The following USP43 variants were observed in gnomAD, a reference collection of about 807,000 sequenced individuals.
USP43 encodes ubiquitin specific peptidase 43, also known as ubiquitin carboxyl-terminal hydrolase 43.
A neutral mutation model predicts 90.7 loss-of-function variants in USP43; 33 were observed. The observed-to-expected ratio is 0.36, with a 90% CI of 0.28 to 0.49. The LOEUF (loss-of-function observed/expected upper bound fraction) is 0.49. USP43 is among the 20% of genes least tolerant of loss of function. The probability of loss-of-function intolerance (pLI) is 0.98; values close to 1 mark genes in which losing one functional copy is unlikely to be tolerated. For missense variants in USP43, 1,274 were observed against 1,476.4 expected (o/e 0.86, Z 2.25); for synonymous variants, 598 against 615.8 (o/e 0.97, Z 0.43).
chr17:9,696,534 CT>C (rs1915278440), intron 9 of USP43, among the ~76,000 whole-genome samples: 1 of 152,200 alleles, frequency 6.6e-6, no homozygotes, highest in Admixed American at 6.5e-5. Flanking sequence ...GATTGCAGAC[CT>C]GCCTGTCCTA....
At chr17:9,675,194 T>C (rs913390952) in intron 4 of USP43, among the ~76,000 whole-genome samples, 7 of 152,238 alleles carry the variant, frequency 4.6e-5, no homozygotes, top group African/African-American at 1.7e-4. Context: ...GAAGGAATTA[T>C]GAATGTTTGG....
rs745609389 is a variant in USP43, at chr17:9,666,762, G to A, written c.740+11G>A. ...TCAAGCACAATATAGGTAAGATGGG[G>A]ATGTGTTTAGAATGTATCACCCGAG... is the stretch of plus-strand genomic sequence containing the variant. On this transcript the variant is annotated intron_variant, in intron 3 of 14. Transcript: ENST00000285199. 22 of 1,601,786 alleles carry A rather than the reference G, an allele frequency of 1.4e-5. No individual in the cohort carries two copies. The South Asian group carries it at 1.9e-4, about 14-fold the overall frequency.
chr17:9,712,926 C>G (rs1270295447), intron 14 of USP43, among the ~76,000 whole-genome samples: 1 of 152,118 alleles, frequency 6.6e-6, no homozygotes, highest in Non-Finnish European at 1.5e-5. Flanking sequence ...TCATTACATA[C>G]AAACTAGGGT....
chr17:9,723,587 TTTC>T (rs1186581050), intron 14 of USP43, among the ~76,000 whole-genome samples: 7 of 132,352 alleles, frequency 5.3e-5, no homozygotes, highest in Admixed American at 2.3e-4. Flanking sequence ...TTTCTTTTCT[TTTC>T]TTTTTTTTTT....
In USP43 at chr17:9,645,597, G is replaced by T; in HGVS notation, c.-36G>T. ...CTGGCCGCTCGTCCGCCTCGCGCCCGGGGGCTCCGCGCCTGGAGCTGCGCC... is the reference window on the plus strand; with the variant it reads ...CTGGCCGCTCGTCCGCCTCGCGCCCTGGGGCTCCGCGCCTGGAGCTGCGCC... On this transcript the variant is annotated 5_prime_UTR_variant, in exon 1 of 15. Transcript: ENST00000285199. The surrounding 1 kb of genome is among the most constrained non-coding windows in gnomAD (Gnocchi z 6.8). 1 of 1,180,562 alleles carries T rather than the reference G, an allele frequency of 8.5e-7. No homozygotes were observed. Among genetic ancestry groups the T allele is most frequent in the South Asian group, 4.2e-5 (1 of 23,658 alleles). 73.1% of individuals were successfully genotyped at this position (1,180,562 alleles called of 1,614,324 possible).
At chr17:9,720,249 C>T (rs868204323) in intron 14 of USP43, among the ~76,000 whole-genome samples, 1 of 148,150 alleles carries the variant, frequency 6.7e-6, no homozygotes, top group Middle Eastern at 3.6e-3. Context: ...TCGCTTAAAC[C>T]TGCAAGGTGG....
chr17:9,679,127 G>T (rs1176538249), intron 5 of USP43, among the ~76,000 whole-genome samples: 1 of 151,952 alleles, frequency 6.6e-6, no homozygotes, highest in Non-Finnish European at 1.5e-5. Context: ...CATTTTCTTT[G>T]GTTCATCATT....
chr17:9,707,286 T>A (rs1480400731), intron 12 of USP43, among the ~76,000 whole-genome samples: 2 of 152,190 alleles, frequency 1.3e-5, no homozygotes, highest in Non-Finnish European at 2.9e-5. Context: ...CATGAGTCGA[T>A]AATTAAATTT....
At chr17:9,655,342 C>T (rs1021835434) in intron 1 of USP43, among the ~76,000 whole-genome samples, 2 of 152,216 alleles carry the variant, frequency 1.3e-5, no homozygotes, top group African/African-American at 4.8e-5. Context: ...CACATGCTCA[C>T]ACATGTATAG....
chr17:9,726,077 T>C (rs1944479090), intron 14 of USP43, among the ~76,000 whole-genome samples: 1 of 152,158 alleles, frequency 6.6e-6, no homozygotes, highest in Admixed American at 6.5e-5. Context: ...AAACATTCTT[T>C]ATGAGAAACC....
At position 9,701,280 on chromosome 17, in the gene USP43, G is replaced by A; in HGVS notation, c.1662+35G>A. The A allele has an allele frequency of 6.3e-7, 1 of 1,597,854 alleles. No individual in the cohort carries two copies. The highest frequency in any genetic ancestry group is 8.5e-7 in the Non-Finnish European group (1 of 1,171,654). Reference sequence around the variant, plus strand: ...TGGGGGTCCATGCCCCGGCCGGGAAGGGGGCTGGCTGCCTTTGGTGGGTTG... The same window carrying A: ...TGGGGGTCCATGCCCCGGCCGGGAAAGGGGCTGGCTGCCTTTGGTGGGTTG... On this transcript the variant is annotated intron_variant, in intron 11 of 14. Transcript: ENST00000285199. The surrounding 1 kb of genome is among the most constrained non-coding windows in gnomAD (Gnocchi z 7.2).
intron 14 of USP43, among the ~76,000 whole-genome samples, chr17:9,723,028 G>A (rs554660260): frequency 1.2e-4 from 19 of 152,242 alleles, no homozygotes; most frequent in African/African-American, 3.9e-4. Context: ...TGTGTGATAC[G>A]TTCTCAAAAT....
At chr17:9,714,646 G>A (rs1454440591) in intron 14 of USP43, among the ~76,000 whole-genome samples, 2 of 143,454 alleles carry the variant, frequency 1.4e-5, no homozygotes, top group Admixed American at 7.3e-5. Context: ...TCACACCACT[G>A]CACTCCAGCC....
chr17:9,665,158 A>G (rs9915341), intron 2 of USP43, among the ~76,000 whole-genome samples: 3,476 of 152,158 alleles, frequency 0.023, 109 homozygotes, highest in African/African-American at 0.07. Context: ...TTTGGAAGGG[A>G]TAGGGGTCCA....
At chr17:9,700,151 G>T (rs771349225) in intron 9 of USP43, 21 bp from the exon 10 acceptor site, 19 of 1,584,968 alleles carry the variant, frequency 1.2e-5, no homozygotes, top group Non-Finnish European at 1.3e-5. Flanking sequence ...TTTCTGATGG[G>T]CTCCCTTGTT....
intron 5 of USP43, among the ~76,000 whole-genome samples, chr17:9,679,984 A>T (rs1013600836): frequency 1.4e-5 from 2 of 146,438 alleles, no homozygotes; most frequent in African/African-American, 5.1e-5. Flanking sequence ...TCATTTTTCT[A>T]TGCTTGTTTA....
At chr17:9,724,857 A>G (rs1218587419) in intron 14 of USP43, among the ~76,000 whole-genome samples, 1 of 152,142 alleles carries the variant, frequency 6.6e-6, no homozygotes, top group Admixed American at 6.5e-5. Flanking sequence ...GTAAGCGGGT[A>G]GATGTATGAA....
chr17:9,710,329 A>G (rs1686015500), intron 13 of USP43, among the ~76,000 whole-genome samples: 1 of 152,102 alleles, frequency 6.6e-6, no homozygotes, highest in African/African-American at 2.4e-5. Flanking sequence ...GGGGAAAAGA[A>G]TAATTGTTTG....
At chr17:9,693,373 G>T in intron 9 of USP43, 143 bp downstream of exon 9, 1 of 696,326 alleles carries the variant, frequency 1.4e-6, no homozygotes, top group Non-Finnish European at 2.4e-6. Context: ...CGCTATGTTA[G>T]GTCATTGGGC....
Sources: allele counts gnomAD v4.1 joint callset (sites outside exome capture counted in the v4.1 genomes callset), GRCh38; gene constraint gnomAD v4.1.1; non-coding constraint Gnocchi (gnomAD v3.1); transcripts MANE v1.5; gene names NCBI Gene and HGNC (gene_info 2026-07-23, HGNC 2026-07-21).